SKIC3: variants seen among roughly 807,000 people sequenced by gnomAD.
SKIC3 encodes superkiller complex protein 3.
At chr5:95,528,615 C>T in the SKIC3 span, among the ~76,000 whole-genome samples, 2 of 152,064 alleles carry the variant, frequency 1.3e-5, no homozygotes, top group Admixed American at 1.3e-4. Context: ...CTATCCCCAC[C>T]CCTCACCCTG....
chr5:95,479,553 C>T, the SKIC3 span, among the ~76,000 whole-genome samples: 10 of 152,212 alleles, frequency 6.6e-5, no homozygotes, highest in South Asian at 2.1e-3. Flanking sequence ...AGACCACATT[C>T]ATATAACTTT....
At chr5:95,543,453 GCC>G in the SKIC3 span, 1 of 1,071,470 alleles carries the variant, frequency 9.3e-7, no homozygotes, top group Non-Finnish European at 1.4e-6. Context: ...ACTTCAGAAT[GCC>G]ATTTAACCTA....
At chr5:95,472,458 T>G in the SKIC3 span, among the ~76,000 whole-genome samples, 3 of 152,172 alleles carry the variant, frequency 2.0e-5, no homozygotes, top group African/African-American at 2.4e-5. Flanking sequence ...TCTAGACACA[T>G]GCTTCCAGGA....
the SKIC3 span, chr5:95,502,854 T>C: frequency 6.2e-7 from 1 of 1,611,412 alleles, no homozygotes; most frequent in Non-Finnish European, 8.5e-7. Flanking sequence ...CTGGTCATGT[T>C]AAGTGTTGAT....
chr5:95,494,484 T>G, the SKIC3 span, among the ~76,000 whole-genome samples: 3 of 152,154 alleles, frequency 2.0e-5, no homozygotes, highest in Non-Finnish European at 2.9e-5. Flanking sequence ...CATTATATAT[T>G]GTATTAAACA....
the SKIC3 span, among the ~76,000 whole-genome samples, chr5:95,549,925 T>C: frequency 6.6e-6 from 1 of 151,880 alleles, no homozygotes; most frequent in Non-Finnish European, 1.5e-5. Context: ...ATTTTGGATA[T>C]TTCCCTTCAT....
chr5:95,503,684 G>T, the SKIC3 span: 1 of 1,307,650 alleles, frequency 7.6e-7, no homozygotes, highest in Non-Finnish European at 1.1e-6. Context: ...TATTGCTGCT[G>T]ACTCCTAGTC....
the SKIC3 span, among the ~76,000 whole-genome samples, chr5:95,466,428 G>A: frequency 1.3e-5 from 2 of 152,054 alleles, no homozygotes; most frequent in Non-Finnish European, 2.9e-5. Flanking sequence ...GCAGACCAAG[G>A]ATACTGCCAA....
the SKIC3 span, chr5:95,482,772 TTAAA>T: frequency 1.2e-6 from 1 of 844,368 alleles, no homozygotes; most frequent in Non-Finnish European, 1.8e-6. Flanking sequence ...CTGCAAATAA[TTAAA>T]TAAACAAAAC....
the SKIC3 span, among the ~76,000 whole-genome samples, chr5:95,551,946 AC>A: frequency 2.6e-5 from 4 of 152,150 alleles, no homozygotes; most frequent in Non-Finnish European, 5.9e-5. Context: ...TCCTAAAACA[AC>A]TAGTGTGATA....
the SKIC3 span, chr5:95,522,265 A>T: frequency 6.2e-7 from 1 of 1,613,658 alleles, no homozygotes; most frequent in Non-Finnish European, 8.5e-7. Flanking sequence ...ACGATTCCCA[A>T]CAATTGAAGT....
chr5:95,512,634 C>T, the SKIC3 span: 43 of 1,613,474 alleles, frequency 2.7e-5, no homozygotes, highest in South Asian at 1.1e-4. Context: ...AAAAAGCCAA[C>T]GTTAAGCAGA....
the SKIC3 span, among the ~76,000 whole-genome samples, chr5:95,466,985 T>A: frequency 3.3e-5 from 5 of 152,148 alleles, no homozygotes. Context: ...GTTAAGTCAT[T>A]CCCTTCTGGC....
chr5:95,537,747 A>T, the SKIC3 span, among the ~76,000 whole-genome samples: 4 of 152,192 alleles, frequency 2.6e-5, no homozygotes, highest in Non-Finnish European at 5.9e-5. Context: ...CAGCAATACT[A>T]GAATCCAAGG....
chr5:95,473,119 T>C, the SKIC3 span, among the ~76,000 whole-genome samples: 1 of 152,312 alleles, frequency 6.6e-6, no homozygotes, highest in Non-Finnish European at 1.5e-5. Flanking sequence ...TTTGAGTGTA[T>C]ACTCAGTAAT....
the SKIC3 span, chr5:95,522,164 C>T: frequency 6.2e-7 from 1 of 1,613,768 alleles, no homozygotes; most frequent in Non-Finnish European, 8.5e-7. Flanking sequence ...CTTAAACACA[C>T]TGTATATGGA....
chr5:95,530,606 G>A, the SKIC3 span, among the ~76,000 whole-genome samples: 191 of 152,164 alleles, frequency 1.3e-3, no homozygotes, highest in African/African-American at 4.5e-3. Flanking sequence ...GCAACCATGC[G>A]CTGCTAGAGA....
the SKIC3 span, among the ~76,000 whole-genome samples, chr5:95,482,994 G>A: frequency 6.6e-6 from 1 of 152,032 alleles, no homozygotes; most frequent in Non-Finnish European, 1.5e-5. Flanking sequence ...ATTCCATACT[G>A]GAATAAACTA....
chr5:95,499,187 G>A, the SKIC3 span, among the ~76,000 whole-genome samples: 1 of 152,302 alleles, frequency 6.6e-6, no homozygotes, highest in East Asian at 1.9e-4. Context: ...CAAATTCCAT[G>A]TTGAATTGTA....
Sources: gnomAD v4.1 joint callset for allele counts (sites outside exome capture counted in the v4.1 genomes callset) on GRCh38, gnomAD v4.1.1 for gene constraint, MANE v1.5 for transcripts, NCBI Gene and HGNC (gene_info 2026-07-23, HGNC 2026-07-21) for gene names.